CTSB: variants seen among roughly 807,000 people sequenced by gnomAD.
The protein encoded by CTSB is APP secretase.
Under a neutral mutation model 44.3 loss-of-function variants are expected in CTSB, and 57 were observed. The ratio of observed to expected loss-of-function variants is 1.29; its 90% CI spans 1.04 to 1.60. The LOEUF (loss-of-function observed/expected upper bound fraction) is 1.60, where lower values mean the gene tolerates loss of function less well. Ranked by LOEUF, CTSB falls within the 40% of genes most tolerant of loss-of-function variation. CTSB has a pLI of 0.00. For missense variants in CTSB, 768 were observed against 443.0 expected (o/e 1.73, Z -6.59); for synonymous variants, 320 against 168.0 (o/e 1.91, Z -7.00).
intron 1 of CTSB, among the ~76,000 whole-genome samples, chr8:11,860,540 C>G (rs898813518): frequency 9.9e-5 from 15 of 152,200 alleles, no homozygotes; most frequent in African/African-American, 3.4e-4. Context: ...AGGACAATTG[C>G]TTGAACCCAG....
chr8:11,866,714 G>C (rs1817203253), intron 1 of CTSB, among the ~76,000 whole-genome samples: 3 of 152,164 alleles, frequency 2.0e-5, no homozygotes. Context: ...ACAAAAATTA[G>C]CTGGGCGTGG....
chr8:11,846,773 T>C (rs1387602595), intron 8 of CTSB, among the ~76,000 whole-genome samples: 1 of 151,186 alleles, frequency 6.6e-6, no homozygotes, highest in Non-Finnish European at 1.5e-5. Context: ...ACAGAGAACA[T>C]GTATGAGCTG....
chr8:11,846,646 G>A (rs1220390042), intron 8 of CTSB, among the ~76,000 whole-genome samples: 1 of 152,194 alleles, frequency 6.6e-6, no homozygotes, highest in Non-Finnish European at 1.5e-5. Flanking sequence ...AAGAAAATGT[G>A]TCAGCCAGTG....
chr8:11,862,596 G>C (rs1193178293), intron 1 of CTSB: 1 of 152,274 alleles, frequency 6.6e-6, no homozygotes, highest in African/African-American at 2.4e-5. Context: ...GGAAGGCTGA[G>C]TGGGTTGGGA....
At chr8:11,850,709 C>G (rs1814429220) in intron 4 of CTSB, 157 bp downstream of exon 4, 8 of 548,236 alleles carry the variant, frequency 1.5e-5, no homozygotes, top group Non-Finnish European at 2.6e-5. Context: ...CATTCATGGC[C>G]AGAGGGATTG....
At chr8:11,845,383 C>T (rs1563376435) in intron 9 of CTSB, among the ~76,000 whole-genome samples, 161 bp from the exon 10 acceptor site, 1 of 152,230 alleles carries the variant, frequency 6.6e-6, no homozygotes, top group African/African-American at 2.4e-5. Context: ...CCGTGGGGCA[C>T]ACCTCCACGG....
At position 11,843,652 on chromosome 8, in the gene CTSB, G is replaced by A. The variant is rs1007174906; in HGVS notation, c.*1473C>T. On this transcript the variant is annotated 3_prime_UTR_variant, in exon 10 of 10. Coordinates refer to ENST00000353047, the MANE Select transcript of CTSB (RefSeq NM_001908.5). Reference sequence around the variant, plus strand: ...CCAGGGGGATGTGGTTCCCCACGGGGTAGCATCTTGGTTATGTGAGATCAC... The same window carrying A: ...CCAGGGGGATGTGGTTCCCCACGGGATAGCATCTTGGTTATGTGAGATCAC... 2.6e-5 allele frequency: 4 copies of A among 152,254 alleles called. No individual in the cohort carries two copies. Among genetic ancestry groups the A allele is most frequent in the African/African-American group, 7.2e-5 (3 of 41,464 alleles). The allele number at this position is 152,254 out of a possible 1,614,324, so 9.4% of individuals were successfully genotyped here.
intron 4 of CTSB, chr8:11,849,389 G>C (rs1814113764): frequency 5.3e-6 from 2 of 374,686 alleles, no homozygotes; most frequent in South Asian, 5.6e-5. Flanking sequence ...CAAGTGATTT[G>C]CCCACCTTGG....
intron 3 of CTSB, among the ~76,000 whole-genome samples, 173 bp from the exon 4 acceptor site, chr8:11,851,153 CTGT>C (rs1318416408): frequency 1.5e-5 from 2 of 137,264 alleles, no homozygotes; most frequent in African/African-American, 5.3e-5. Flanking sequence ...AAAGGAAATT[CTGT>C]TGCTCAATGC....
At position 11,845,018 on chromosome 8, in the gene CTSB, G is replaced by A. The variant is rs1467680818; in HGVS notation, c.*107C>T. The A allele has an allele frequency of 5.3e-6, 4 of 757,962 alleles. No homozygotes were observed. The Admixed American group carries it at 6.4e-5, about 12-fold the overall frequency. The allele number at this position is 757,962 out of a possible 1,614,324, so 47.0% of individuals were successfully genotyped here. A position where few individuals can be genotyped will look rare whatever the true frequency, so the allele number is the denominator to read the frequency against. On this transcript the variant is annotated 3_prime_UTR_variant, in exon 10 of 10. Coordinates refer to ENST00000353047, the MANE Select transcript of CTSB (RefSeq NM_001908.5). ...ACAGGTCTGATGTTTGGCCAATCCA[G>A]TCCTTCAGACCCTGTCTGAAACTTG...
chr8:11,861,536 A>C (rs967151742), intron 1 of CTSB: 1 of 152,296 alleles, frequency 6.6e-6, no homozygotes, highest in African/African-American at 2.4e-5. Flanking sequence ...CTGCAGACAA[A>C]ATGACTACTG....
rs1812901672 is a variant in CTSB at position 11,844,693 on chromosome 8, C to A, written c.*432G>T. 1 of 166,212 alleles carries A rather than the reference C, an allele frequency of 6.0e-6. No individual in the cohort carries two copies. Among genetic ancestry groups the A allele is most frequent in the South Asian group, 1.7e-4 (1 of 5,736 alleles). 10.3% of individuals were successfully genotyped at this position (166,212 alleles called of 1,614,324 possible). A position where few individuals can be genotyped will look rare whatever the true frequency, so the allele number is the denominator to read the frequency against. ...GGCGTTCTCCAAAGGGCTCCCAACA[C>A]CGTCTCTCCTCTGATTTCTGTGACA... On this transcript the variant is annotated 3_prime_UTR_variant, in exon 10 of 10. Coordinates refer to ENST00000353047, the MANE Select transcript of CTSB (RefSeq NM_001908.5).
chr8:11,854,877 A>C (rs1254977514), intron 1 of CTSB: 2 of 152,268 alleles, frequency 1.3e-5, no homozygotes, highest in African/African-American at 2.4e-5. Context: ...CCAACGGACC[A>C]CTCAGAAGCA....
chr8:11,853,546 G>A (rs776419617), intron 1 of CTSB, 67 bp from the exon 2 acceptor site: 33 of 1,488,236 alleles, frequency 2.2e-5, no homozygotes, highest in Non-Finnish European at 3.0e-5. Flanking sequence ...ACACACAGGG[G>A]CACCGTCTCG....
chr8:11,850,349 G>A (rs1005664233), intron 4 of CTSB, among the ~76,000 whole-genome samples: 4 of 144,468 alleles, frequency 2.8e-5, no homozygotes, highest in African/African-American at 1.0e-4. Context: ...AACCCAGGAG[G>A]CAGAGGTTGC....
intron 6 of CTSB, 117 bp downstream of exon 6, chr8:11,847,950 G>T: frequency 7.6e-7 from 1 of 1,317,558 alleles, no homozygotes; most frequent in Non-Finnish European, 1.1e-6. Flanking sequence ...CACCTGGCTA[G>T]CACCTCTCAG....
chr8:11,844,969 G>C lies in CTSB; in HGVS notation c.*156C>G, dbSNP rs1812986498. The C allele has an allele frequency of 1.6e-6, 1 of 624,024 alleles. No individual in the cohort carries two copies. The highest frequency in any genetic ancestry group is 1.9e-5 in the South Asian group (1 of 53,830). The allele number at this position is 624,024 out of a possible 1,614,324, so 38.7% of individuals were successfully genotyped here. A position where few individuals can be genotyped will look rare whatever the true frequency, so the allele number is the denominator to read the frequency against. Reference sequence around the variant, plus strand: ...CACTGTAACCACAGGCTGGGATGTAGCCAGGACTTGGTCTCCTTGGAAGAC... The same window carrying C: ...CACTGTAACCACAGGCTGGGATGTACCCAGGACTTGGTCTCCTTGGAAGAC... On this transcript the variant is annotated 3_prime_UTR_variant, in exon 10 of 10. Transcript: ENST00000353047.
intron 1 of CTSB, among the ~76,000 whole-genome samples, chr8:11,855,368 A>C (rs1815336050): frequency 6.6e-6 from 1 of 152,206 alleles, no homozygotes; most frequent in South Asian, 2.1e-4. Flanking sequence ...ATGCCCTTTG[A>C]AAAACAGGCT....
At chr8:11,848,227 G>T (rs747545110) in intron 5 of CTSB, 75 bp from the exon 6 acceptor site, 1 of 1,395,194 alleles carries the variant, frequency 7.2e-7, no homozygotes, top group South Asian at 1.2e-5. Flanking sequence ...TGCTACCCAA[G>T]TGCCCGAGGC....
Sources: allele counts gnomAD v4.1 joint callset (sites outside exome capture counted in the v4.1 genomes callset), GRCh38; gene constraint gnomAD v4.1.1; transcripts MANE v1.5; gene names NCBI Gene and HGNC (gene_info 2026-07-23, HGNC 2026-07-21).